The following PKP1 variants were observed in gnomAD, a reference collection of about 807,000 sequenced individuals.
The protein encoded by PKP1 is plakophilin-1.
Under a neutral mutation model 76.4 loss-of-function variants are expected in PKP1, and 27 were observed. That is an observed-to-expected ratio of 0.35 (90% CI 0.26 to 0.49). The LOEUF (loss-of-function observed/expected upper bound fraction) is 0.49. PKP1 is among the 20% of genes least tolerant of loss of function. PKP1 has a pLI of 0.99. For missense variants in PKP1, 964 were observed against 955.2 expected (o/e 1.01, Z -0.12); for synonymous variants, 404 against 384.2 (o/e 1.05, Z -0.60).
chr1:201,324,744 C>T (rs1657057724), intron 10 of PKP1, among the ~76,000 whole-genome samples, 163 bp downstream of exon 10: 1 of 152,144 alleles, frequency 6.6e-6, no homozygotes, highest in Non-Finnish European at 1.5e-5. Flanking sequence ...GAGCCTGTCA[C>T]CTGAGGGCTG....
chr1:201,306,174 T>C (rs532775777), intron 2 of PKP1, among the ~76,000 whole-genome samples: 1 of 152,252 alleles, frequency 6.6e-6, no homozygotes, highest in South Asian at 2.1e-4. Flanking sequence ...TTCTCAGGTG[T>C]AGAGGGGGAA....
In PKP1 at chr1:201,330,441, T is replaced by C. The variant is rs970847520; in HGVS notation, c.*400T>C. On this transcript the variant is annotated 3_prime_UTR_variant, in exon 14 of 14. Coordinates refer to ENST00000367324, the MANE Select transcript of PKP1 (RefSeq NM_001005337.3). Reference sequence around the variant, plus strand: ...GCAAAAAGCTAGGTAAGCTATTTTGTTGCAGCTCATAAGGTGGTGAAAAGG... The same window carrying C: ...GCAAAAAGCTAGGTAAGCTATTTTGCTGCAGCTCATAAGGTGGTGAAAAGG... 3 of 152,258 alleles carry C rather than the reference T, an allele frequency of 2.0e-5. No individual in the cohort carries two copies. Among genetic ancestry groups the C allele is most frequent in the Non-Finnish European group, 4.4e-5 (3 of 68,058 alleles). 9.4% of individuals were successfully genotyped at this position (152,258 alleles called of 1,614,324 possible).
At chr1:201,303,906 C>T (rs1186724122) in intron 2 of PKP1, among the ~76,000 whole-genome samples, 1 of 152,164 alleles carries the variant, frequency 6.6e-6, no homozygotes, top group Non-Finnish European at 1.5e-5. Context: ...AAGAGCAGAG[C>T]CATGAAGTAG....
chr1:201,322,231 G>A (rs1454407749), intron 8 of PKP1, 98 bp downstream of exon 8: 3 of 1,380,792 alleles, frequency 2.2e-6, no homozygotes, highest in African/African-American at 2.9e-5. Flanking sequence ...CCTGGAGCCT[G>A]AAGCCAGCCC....
Position 201,317,709 on chromosome 1 carries a change from G to A in PKP1, c.984G>A (p.Gln328=). 6.2e-7 allele frequency: 1 copy of A among 1,614,036 alleles called. No homozygotes were observed. The highest frequency in any genetic ancestry group is 8.5e-7 in the Non-Finnish European group (1 of 1,180,014). The change falls in exon 5 of 14, where the codon CAG becomes CAA. Residue 328 remains glutamine (Q), a synonymous_variant. Coordinates refer to ENST00000367324, the MANE Select transcript of PKP1 (RefSeq NM_001005337.3). ...STTNKLETRR[Q]NGIREAVSLL... ...CCAACAAGCTGGAGACCCGGAGGCA[G>A]AATGGGATCCGCGAGGCAGTCAGCC... is the stretch of plus-strand genomic sequence containing the variant.
At chr1:201,287,216 G>C (rs1655767270) in intron 1 of PKP1, among the ~76,000 whole-genome samples, 1 of 152,154 alleles carries the variant, frequency 6.6e-6, no homozygotes, top group Admixed American at 6.5e-5. Context: ...CAGAGGTAGG[G>C]GCTGGAGGCA....
At chr1:201,321,284 C>G (rs1656931393) in intron 7 of PKP1, among the ~76,000 whole-genome samples, 1 of 152,164 alleles carries the variant, frequency 6.6e-6, no homozygotes. Context: ...AACCCCAAGC[C>G]CTGGAAGTCA....
intron 2 of PKP1, among the ~76,000 whole-genome samples, chr1:201,299,291 C>G (rs1269188388): frequency 1.3e-5 from 2 of 152,198 alleles, no homozygotes; most frequent in Non-Finnish European, 2.9e-5. Context: ...CTAGCTGAAC[C>G]TCAGCTTGCT....
Position 201,283,814 on chromosome 1 carries a change from AG to A in PKP1, c.114del (p.Arg38SerfsTer8). 6.2e-7 allele frequency: 1 copy of A among 1,614,118 alleles called. No individual in the cohort carries two copies. Among genetic ancestry groups the A allele is most frequent in the Non-Finnish European group, 8.5e-7 (1 of 1,179,936 alleles). ...DQKMKTGTSG[R>X]QRVQEQVMMT... Reference sequence around the variant, plus strand: ...AAAGATGAAAACAGGCACGTCTGGCAGGCAGCGCGTGCAGGAGCAGGTGATG... The same window carrying A: ...AAAGATGAAAACAGGCACGTCTGGCAGCAGCGCGTGCAGGAGCAGGTGATG... On this transcript the variant is annotated frameshift_variant, in exon 1 of 14. Coordinates refer to ENST00000367324, the MANE Select transcript of PKP1 (RefSeq NM_001005337.3). LOFTEE classifies it high-confidence loss of function.
intron 3 of PKP1, 138 bp downstream of exon 3, chr1:201,313,698 G>A (rs1490019928): frequency 1.1e-6 from 1 of 919,400 alleles, no homozygotes; most frequent in Non-Finnish European, 1.6e-6. Context: ...CATTGCCCCT[G>A]GTGTAATGGA....
rs1486256243 is a variant in PKP1 at position 201,330,156 on chromosome 1, A to G, written c.*115A>G. 6.6e-6 allele frequency: 1 copy of G among 152,098 alleles called. No individual in the cohort carries two copies. The highest frequency in any genetic ancestry group is 1.5e-5 in the Non-Finnish European group (1 of 68,036). 9.4% of individuals were successfully genotyped at this position (152,098 alleles called of 1,614,324 possible). On this transcript the variant is annotated 3_prime_UTR_variant, in exon 14 of 14. Transcript: ENST00000367324. ...TCCTATGCAGTATTTGGGAAAGTTC[A>G]CAAGAAACTGAGAAGAAACCTAAAA...
At chr1:201,321,947 G>A in intron 7 of PKP1, 31 bp from the exon 8 acceptor site, 1 of 1,613,472 alleles carries the variant, frequency 6.2e-7, no homozygotes, top group Non-Finnish European at 8.5e-7. Context: ...CCGGGCAGAG[G>A]CTCAGGCCCA....
At chr1:201,317,921 G>T (rs1656813030) in intron 5 of PKP1, 142 bp downstream of exon 5, 1 of 831,618 alleles carries the variant, frequency 1.2e-6, no homozygotes. Flanking sequence ...AATATCCTGA[G>T]AGTTTAGTGA....
chr1:201,325,790 C>T lies in PKP1; in HGVS notation c.2058C>T (p.Leu686=), dbSNP rs148462731. 13 of 1,614,120 alleles carry T rather than the reference C, an allele frequency of 8.1e-6. No homozygotes were observed. The African/African-American group carries it at 1.7e-4, about 22-fold the overall frequency. Reference sequence around the variant, plus strand: ...AGGCCGCAGAAGCTGCCCGGCTTCTCCTGTCTGACATGTGGTCCAGCAAGG... The same window carrying T: ...AGGCCGCAGAAGCTGCCCGGCTTCTTCTGTCTGACATGTGGTCCAGCAAGG... ...SPKAAEAARL[L]LSDMWSSKEL... The change falls in exon 12 of 14, where the codon CTC becomes CTT. Residue 686 remains leucine, a synonymous_variant. Coordinates refer to ENST00000367324, the MANE Select transcript of PKP1 (RefSeq NM_001005337.3).
chr1:201,288,868 C>T (rs1301922254), intron 1 of PKP1, among the ~76,000 whole-genome samples: 2 of 152,122 alleles, frequency 1.3e-5, no homozygotes, highest in Middle Eastern at 3.2e-3. Flanking sequence ...GGTCTGAACG[C>T]GTCCCAGCAG....
Position 201,294,028 on chromosome 1 carries a change from G to A in PKP1, c.289G>A (p.Gly97Ser), listed in dbSNP as rs1236580317. ...SYYSKFQAGN[G>S]SWGYPIYNGT... ...CTACTCCAAGTTCCAGGCAGGGAAT[G>A]GCTCATGGGGATATCCGGTAAGGAA... The change falls in exon 2 of 14, where the codon GGC (glycine) becomes AGC (serine). Residue 97 changes from glycine to serine, a missense_variant. Physicochemically the swap from Gly to Ser is moderately conservative, Grantham distance 56. Coordinates refer to ENST00000367324, the MANE Select transcript of PKP1 (RefSeq NM_001005337.3). The A allele has an allele frequency of 1.2e-6, 2 of 1,610,950 alleles. No individual in the cohort carries two copies.
chr1:201,323,462 G>C (rs1657011237), intron 9 of PKP1, among the ~76,000 whole-genome samples: 1 of 152,176 alleles, frequency 6.6e-6, no homozygotes, highest in Non-Finnish European at 1.5e-5. Context: ...CCGGTCCCCA[G>C]CTGGCCTCCT....
chr1:201,313,315 G>T lies in PKP1; in HGVS notation c.456G>T (p.Ala152=), dbSNP rs759293051. 22 of 1,594,052 alleles carry T rather than the reference G, an allele frequency of 1.4e-5. No individual in the cohort carries two copies. The highest frequency in any genetic ancestry group is 1.9e-5 in the Non-Finnish European group (22 of 1,170,506). Reference sequence around the variant, plus strand: ...TCTGCTTCATGCAGAAAATCAAGGCGAGCCGCAGTGAGCCCGACCTCTACT... The same window carrying T: ...TCTGCTTCATGCAGAAAATCAAGGCTAGCCGCAGTGAGCCCGACCTCTACT... ...SDICFMQKIK[A]SRSEPDLYCD... Residue 152 remains alanine (A), a synonymous_variant, in exon 3 of 14, where the codon GCG becomes GCT. Transcript: ENST00000367324.
intron 7 of PKP1, 35 bp downstream of exon 7, chr1:201,320,416 G>A: frequency 7.2e-7 from 1 of 1,381,086 alleles, no homozygotes; most frequent in Non-Finnish European, 1.0e-6. Flanking sequence ...CTGACCCCTA[G>A]GCCCAGCCCC....
Sources: gnomAD v4.1 joint callset for allele counts (sites outside exome capture counted in the v4.1 genomes callset) on GRCh38, gnomAD v4.1.1 for gene constraint, MANE v1.5 for transcripts, NCBI Gene and HGNC (gene_info 2026-07-23, HGNC 2026-07-21) for gene names.